CHD2: variants seen among roughly 807,000 people sequenced by gnomAD.
CHD2 encodes ATP-dependent chromatin remodeler CHD2.
Under a neutral mutation model 243.9 loss-of-function variants are expected in CHD2, and 28 were observed. The ratio of observed to expected loss-of-function variants is 0.11; its 90% CI spans 0.09 to 0.16. The LOEUF (loss-of-function observed/expected upper bound fraction) is 0.16, where lower values mean the gene tolerates loss of function less well. CHD2 is among the 10% of genes least tolerant of loss of function. The pLI, the probability that CHD2 is intolerant of heterozygous loss-of-function variation, is 1.00. For missense variants in CHD2, 1,386 were observed against 2,209.8 expected (o/e 0.63, Z 7.47); for synonymous variants, 775 against 779.0 (o/e 0.99, Z 0.09).
intron 37 of CHD2, among the ~76,000 whole-genome samples, chr15:93,018,980 A>T (rs1285851420): frequency 6.6e-6 from 1 of 152,168 alleles, no homozygotes; most frequent in African/African-American, 2.4e-5. Context: ...CCATCCCTGG[A>T]CTTCTGTGTC....
Position 93,000,736 on chromosome 15 carries a change from C to A in CHD2, c.4137+96C>A, listed in dbSNP as rs548729897. The A allele has an allele frequency of 1.3e-4, 176 of 1,316,558 alleles. 2 individuals are homozygous for A. In the South Asian group the frequency reaches 2.7e-3, roughly 21 times the overall value. 81.6% of individuals were successfully genotyped at this position (1,316,558 alleles called of 1,614,324 possible). ...AATCATCTGAAATGTGTTTGGTTTA[C>A]GAGTGGATTAAATGGAAATAGAATA... On this transcript the variant is annotated intron_variant, in intron 32 of 38. Transcript: ENST00000394196.
chr15:92,924,506 A>G lies in CHD2; in HGVS notation c.248A>G (p.Lys83Arg), dbSNP rs756072892. ...SKSQPVLPEA[K>R]EKPASKKERI... ...TCCCAGCCAGTCCTCCCAGAAGCCA[A>G]AGAGAAGCCAGCCTCTAAGAAGGAA... is the stretch of plus-strand genomic sequence containing the variant. Residue 83 changes from lysine (K) to arginine (R), a missense_variant, in exon 3 of 39, where the codon AAA becomes AGA. By Grantham distance (26) the Lys-to-Arg change is conservative (BLOSUM62 2). Transcript: ENST00000394196. The G allele has an allele frequency of 2.5e-6, 4 of 1,614,064 alleles. No individual in the cohort carries two copies. Among genetic ancestry groups the G allele is most frequent in the African/African-American group, 1.3e-5 (1 of 74,936 alleles).
At position 92,992,991 on chromosome 15, in the gene CHD2, C is replaced by A. The variant is rs755302200; in HGVS notation, c.3588C>A (p.Ala1196=). Residue 1196 remains alanine, a synonymous_variant, in exon 28 of 39, where the codon GCC becomes GCA. Transcript: ENST00000394196. ...QEYEEQLKEN[A]SEGKGPGKRR... ...ACGAAGAGCAGCTGAAAGAAAATGCCAGCGAGGGTAAGCGAAGTTGGCTTT... is the reference window on the plus strand; with the variant it reads ...ACGAAGAGCAGCTGAAAGAAAATGCAAGCGAGGGTAAGCGAAGTTGGCTTT... 2.5e-6 allele frequency: 4 copies of A among 1,613,588 alleles called. No homozygotes were observed. The highest frequency in any genetic ancestry group is 2.2e-5 in the East Asian group (1 of 44,890).
chr15:92,956,564 A>C lies in CHD2; in HGVS notation c.1915A>C (p.Asn639His). ...TAAAACTCTGATTGATTTCAAGTCC[A>C]ACCATAGGCTCCTGATTACGGGGAC... ...LYKTLIDFKS[N>H]HRLLITGTPL... Residue 639 changes from asparagine to histidine, a missense_variant, in exon 16 of 39, where the codon AAC (asparagine) becomes CAC (histidine). By Grantham distance (68) the Asn-to-His change is moderately conservative (BLOSUM62 1). Transcript: ENST00000394196. The C allele has an allele frequency of 6.2e-7, 1 of 1,614,050 alleles. No homozygotes were observed. The highest frequency in any genetic ancestry group is 8.5e-7 in the Non-Finnish European group (1 of 1,179,932).
intron 16 of CHD2, among the ~76,000 whole-genome samples, chr15:92,966,824 C>T (rs1596415113): frequency 6.6e-6 from 1 of 151,338 alleles, no homozygotes; most frequent in Admixed American, 6.6e-5. Flanking sequence ...GCAGGAGAAT[C>T]ACTTGAGCCT....
At chr15:92,970,627 G>A (rs769056711) in intron 17 of CHD2, among the ~76,000 whole-genome samples, 27 of 152,202 alleles carry the variant, frequency 1.8e-4, no homozygotes, top group South Asian at 2.1e-4. Context: ...GTAGCATACC[G>A]TATACACTTT....
intron 2 of CHD2, chr15:92,904,912 CT>C: frequency 1.3e-6 from 2 of 1,535,846 alleles, no homozygotes. Flanking sequence ...TAATACATGG[CT>C]CATAAACAAA....
At chr15:92,974,780 C>G in intron 19 of CHD2, 99 bp from the exon 20 acceptor site, 1 of 1,039,280 alleles carries the variant, frequency 9.6e-7, no homozygotes, top group Non-Finnish European at 1.5e-6. Context: ...TATTTTTACT[C>G]AGTGGGTGTT....
intron 2 of CHD2, among the ~76,000 whole-genome samples, chr15:92,909,127 A>T (rs1303980870): frequency 3.3e-5 from 5 of 152,004 alleles, no homozygotes; most frequent in African/African-American, 9.7e-5. Context: ...AAAAAAAAGA[A>T]AAAAGATAAA....
intron 2 of CHD2, among the ~76,000 whole-genome samples, chr15:92,909,203 G>A (rs1400786990): frequency 6.6e-6 from 1 of 151,904 alleles, no homozygotes; most frequent in Non-Finnish European, 1.5e-5. Flanking sequence ...TCTTCTAGTC[G>A]CTTTAAGCTC....
intron 35 of CHD2, 25 bp from the exon 36 acceptor site, chr15:93,012,320 C>T (rs2141885394): frequency 3.9e-6 from 6 of 1,521,482 alleles, no homozygotes; most frequent in Non-Finnish European, 5.4e-6. Flanking sequence ...TATAATTCAC[C>T]AGAACTGTTC....
intron 16 of CHD2, among the ~76,000 whole-genome samples, chr15:92,962,975 T>A (rs2053710050): frequency 6.6e-6 from 1 of 152,224 alleles, no homozygotes. Flanking sequence ...TGATTCCTGT[T>A]TGCATGATAT....
rs1255717695 is a variant in CHD2 at position 92,924,368 on chromosome 15, C to T, written c.110C>T (p.Ser37Leu). Residue 37 changes from serine (S) to leucine (L), a missense_variant, in exon 3 of 39, where the codon TCG becomes TTG. Ser to Leu is a moderately radical substitution (Grantham distance 145). Coordinates refer to ENST00000394196, the MANE Select transcript of CHD2 (RefSeq NM_001271.4). Reference sequence around the variant, plus strand: ...TCGGGTTCAGACTCAGGCAGTCAGTCGGAAAGTGAGCAGGGAAGTGATCCA... The same window carrying T: ...TCGGGTTCAGACTCAGGCAGTCAGTTGGAAAGTGAGCAGGGAAGTGATCCA... The part of the protein sequence containing the change: ...EASGSDSGSQ[S>L]ESEQGSDPGS... 4 of 1,613,898 alleles carry T rather than the reference C, an allele frequency of 2.5e-6. No homozygotes were observed. The highest frequency in any genetic ancestry group is 1.3e-5 in the African/African-American group (1 of 74,974).
chr15:92,904,627 G>T, intron 2 of CHD2: 2 of 1,192,024 alleles, frequency 1.7e-6, no homozygotes, highest in Non-Finnish European at 2.1e-6. Context: ...CCATTTCCGG[G>T]AATGGTTTAT....
chr15:92,999,542 C>G (rs1286666127), intron 31 of CHD2, among the ~76,000 whole-genome samples: 1 of 152,132 alleles, frequency 6.6e-6, no homozygotes, highest in African/African-American at 2.4e-5. Context: ...ACTAGCAGCC[C>G]ATGTGTGCAT....
At position 92,998,699 on chromosome 15, in the gene CHD2, C is replaced by G; in HGVS notation, c.4008+78C>G. On this transcript the variant is annotated intron_variant, in intron 31 of 38. Transcript: ENST00000394196. This position sits in a 1 kb window ranked among gnomAD's most constrained non-coding sequence, Gnocchi z 5.1. ...CAGAATTAGGTAGGAAGAGAGAGGC[C>G]CTCTCTGAGCACTGCACAGAATGTC... The G allele has an allele frequency of 1.3e-6, 2 of 1,513,832 alleles. No homozygotes were observed. The highest frequency in any genetic ancestry group is 9.0e-7 in the Non-Finnish European group (1 of 1,111,120). The allele number at this position is 1,513,832 out of a possible 1,614,324, so 93.8% of individuals were successfully genotyped here.
Position 92,924,363 on chromosome 15 carries a change from T to C in CHD2, c.105T>C (p.Ser35=), listed in dbSNP as rs1279999895. The change falls in exon 3 of 39, where the codon AGT becomes AGC. Residue 35 remains serine (S), a synonymous_variant. Coordinates refer to ENST00000394196, the MANE Select transcript of CHD2 (RefSeq NM_001271.4). ...SEEASGSDSG[S]QSESEQGSDP... ...AAGCTTCGGGTTCAGACTCAGGCAG[T>C]CAGTCGGAAAGTGAGCAGGGAAGTG... The C allele has an allele frequency of 6.2e-7, 1 of 1,613,948 alleles. No homozygotes were observed. The highest frequency in any genetic ancestry group is 8.5e-7 in the Non-Finnish European group (1 of 1,180,002).
At chr15:92,911,214 A>G (rs1359922665) in intron 2 of CHD2, among the ~76,000 whole-genome samples, 1 of 152,216 alleles carries the variant, frequency 6.6e-6, no homozygotes, top group Non-Finnish European at 1.5e-5. Flanking sequence ...AAGACTAAAT[A>G]ATAGCATGTA....
intron 34 of CHD2, 102 bp from the exon 35 acceptor site, chr15:93,009,043 G>A (rs2054358060): frequency 5.5e-6 from 7 of 1,266,198 alleles, no homozygotes; most frequent in Non-Finnish European, 2.2e-6. Flanking sequence ...GCAATTATAT[G>A]GCATAGGGGT....
Sources: allele counts gnomAD v4.1 joint callset (sites outside exome capture counted in the v4.1 genomes callset), GRCh38; gene constraint gnomAD v4.1.1; non-coding constraint Gnocchi (gnomAD v3.1); transcripts MANE v1.5; gene names NCBI Gene and HGNC (gene_info 2026-07-23, HGNC 2026-07-21).